NFATC3: variants seen among roughly 807,000 people sequenced by gnomAD.
The protein encoded by NFATC3 is nuclear factor of activated T-cells, cytoplasmic 3.
In NFATC3, 46 loss-of-function variants were observed where a neutral mutation model predicts 98.6. The observed-to-expected ratio is 0.47, with a 90% CI of 0.37 to 0.60. NFATC3 has a LOEUF of 0.60. Ranked by LOEUF, NFATC3 falls within the 20% of genes least tolerant of loss-of-function variation. The pLI is 0.00. For missense variants in NFATC3, 1,256 were observed against 1,295.5 expected, an observed-to-expected ratio of 0.97 and a Z score of 0.47; for synonymous variants, 512 against 472.2, an observed-to-expected ratio of 1.08 and a Z score of -1.09.
chr16:68,185,646 T>G (rs1461055037), intron 8 of NFATC3, among the ~76,000 whole-genome samples: 2 of 151,366 alleles, frequency 1.3e-5, no homozygotes, highest in Non-Finnish European at 2.9e-5. Flanking sequence ...GAGGCCGAGG[T>G]GGGCGGATCA....
At chr16:68,097,108 T>C (rs1260617533) in intron 1 of NFATC3, among the ~76,000 whole-genome samples, 3 of 152,086 alleles carry the variant, frequency 2.0e-5, no homozygotes. Context: ...ATCCATTGAG[T>C]AAGGAAAGGG....
intron 1 of NFATC3, among the ~76,000 whole-genome samples, chr16:68,120,131 A>C (rs1473699609): frequency 6.6e-6 from 1 of 151,338 alleles, no homozygotes; most frequent in Non-Finnish European, 1.5e-5. Flanking sequence ...AAAAAAAAAA[A>C]ATTGCTGGGA....
Position 68,123,079 on chromosome 16 carries a change from T to G in NFATC3, c.1196T>G (p.Phe399Cys), listed in dbSNP as rs1300687800. 6.2e-7 allele frequency: 1 copy of G among 1,607,668 alleles called. No individual in the cohort carries two copies. Among genetic ancestry groups the G allele is most frequent in the South Asian group, 1.1e-5 (1 of 91,066 alleles). The change falls in exon 2 of 10, where the codon TTT becomes TGT. Residue 399 changes from phenylalanine (F) to cysteine (C), a missense_variant. Physicochemically the swap from Phe to Cys is radical, Grantham distance 205 (BLOSUM62 -2). Transcript: ENST00000346183. Reference protein sequence around the residue: ...GDQFLSVPSPFTWSKPKPGHT... With the variant: ...GDQFLSVPSPCTWSKPKPGHT... ...CAGTTTCTTTCAGTTCCTTCACCCT[T>G]TACCTGGAGCAAACCAAAGCCTGGC...
At chr16:68,127,758 G>C (rs1213393737) in intron 3 of NFATC3, among the ~76,000 whole-genome samples, 1 of 151,546 alleles carries the variant, frequency 6.6e-6, no homozygotes, top group Non-Finnish European at 1.5e-5. Context: ...ACATTATTGA[G>C]AGATGAAGTT....
chr16:68,185,603 C>T (rs1002778977), intron 8 of NFATC3, among the ~76,000 whole-genome samples: 2 of 151,948 alleles, frequency 1.3e-5, no homozygotes, highest in Non-Finnish European at 2.9e-5. Context: ...GGGCCGGGCG[C>T]GGTGGCTCAC....
At chr16:68,205,375 G>A (rs1335690507) in intron 9 of NFATC3, among the ~76,000 whole-genome samples, 1 of 151,844 alleles carries the variant, frequency 6.6e-6, no homozygotes, top group Non-Finnish European at 1.5e-5. Context: ...TCAGCCTCCC[G>A]AGTAGCTGGG....
intron 3 of NFATC3, among the ~76,000 whole-genome samples, chr16:68,136,200 A>G (rs1039190820): frequency 1.3e-5 from 2 of 152,194 alleles, no homozygotes; most frequent in Non-Finnish European, 2.9e-5. Context: ...TCGTGCTGCT[A>G]TTAATTGTAA....
At chr16:68,124,945 G>T (rs2036758540) in intron 2 of NFATC3, among the ~76,000 whole-genome samples, 2 of 150,570 alleles carry the variant, frequency 1.3e-5, no homozygotes, top group Non-Finnish European at 2.9e-5. Flanking sequence ...TGGCCAGGCT[G>T]GTCTTGAACT....
chr16:68,101,700 G>A (rs1207472713), intron 1 of NFATC3, among the ~76,000 whole-genome samples: 1 of 151,662 alleles, frequency 6.6e-6, no homozygotes, highest in African/African-American at 2.4e-5. Context: ...ATCCAGGATG[G>A]TCTTGATCCC....
In NFATC3 at chr16:68,126,622, T is replaced by C. The variant is rs1598407363; in HGVS notation, c.1401+12T>C. 3.7e-6 allele frequency: 6 copies of C among 1,613,644 alleles called. No homozygotes were observed. Among genetic ancestry groups the C allele is most frequent in the Non-Finnish European group, 5.1e-6 (6 of 1,179,686 alleles). Reference sequence around the variant, plus strand: ...ATCCTGTTGTGAAGGTATGAGACTTTTGGGGCTTGTTTTGCAGATACCATA... The same window carrying C: ...ATCCTGTTGTGAAGGTATGAGACTTCTGGGGCTTGTTTTGCAGATACCATA... On this transcript the variant is annotated intron_variant, in intron 3 of 9. Coordinates refer to ENST00000346183, the MANE Select transcript of NFATC3 (RefSeq NM_173165.3).
At chr16:68,105,682 G>T (rs907311749) in intron 1 of NFATC3, among the ~76,000 whole-genome samples, 1 of 152,084 alleles carries the variant, frequency 6.6e-6, no homozygotes, top group African/African-American at 2.4e-5. Context: ...GTTAATTCTT[G>T]TCTAAGTGTT....
chr16:68,162,558 G>T (rs2038942718), intron 4 of NFATC3, among the ~76,000 whole-genome samples: 1 of 151,022 alleles, frequency 6.6e-6, no homozygotes, highest in East Asian at 1.9e-4. Context: ...TGCCTACTAA[G>T]CCATGGGCTT....
intron 4 of NFATC3, among the ~76,000 whole-genome samples, chr16:68,160,246 T>G (rs1450951382): frequency 1.3e-5 from 2 of 151,952 alleles, no homozygotes; most frequent in African/African-American, 4.8e-5. Flanking sequence ...GCAGATCACT[T>G]GAGGGTCAGG....
At chr16:68,129,671 C>CTTT (rs568596333) in intron 3 of NFATC3, among the ~76,000 whole-genome samples, 15 of 127,822 alleles carry the variant, frequency 1.2e-4, no homozygotes, top group African/African-American at 2.5e-4. Flanking sequence ...TGCTCCCCGC[C>CTTT]TTTTTTTTTT....
chr16:68,192,363 G>C (rs922089108), intron 9 of NFATC3: 2 of 147,898 alleles, frequency 1.4e-5, no homozygotes, highest in African/African-American at 2.5e-5. Context: ...AGAACTTTGA[G>C]GGTAGATATG....
Position 68,085,630 on chromosome 16 carries a change from C to T in NFATC3, c.-52C>T. 1 of 1,451,386 alleles carries T rather than the reference C, an allele frequency of 6.9e-7. No homozygotes were observed. The highest frequency in any genetic ancestry group is 3.0e-5 in the East Asian group (1 of 33,328). The allele number at this position is 1,451,386 out of a possible 1,614,324, so 89.9% of individuals were successfully genotyped here. A position where few individuals can be genotyped will look rare whatever the true frequency, so the allele number is the denominator to read the frequency against. On this transcript the variant is annotated 5_prime_UTR_variant, in exon 1 of 10. Transcript: ENST00000346183. Reference sequence around the variant, plus strand: ...TTGAGGAGCTGCTGCCGCCGCTTGCCGCTGCCGCCGCCGCCGCCTGAGGAG... The same window carrying T: ...TTGAGGAGCTGCTGCCGCCGCTTGCTGCTGCCGCCGCCGCCGCCTGAGGAG...
chr16:68,092,951 G>T (rs1004703640), intron 1 of NFATC3, among the ~76,000 whole-genome samples: 1 of 152,076 alleles, frequency 6.6e-6, no homozygotes, highest in Non-Finnish European at 1.5e-5. Context: ...CTTCCATTTG[G>T]ATTTGTGTAT....
chr16:68,211,313 G>A (rs901864582), intron 9 of NFATC3, among the ~76,000 whole-genome samples: 2 of 151,626 alleles, frequency 1.3e-5, no homozygotes, highest in Admixed American at 6.6e-5. Flanking sequence ...TCAGCCTCTC[G>A]AGTAGCTGGG....
At chr16:68,188,852 G>C (rs1260709775) in intron 8 of NFATC3, among the ~76,000 whole-genome samples, 1 of 152,124 alleles carries the variant, frequency 6.6e-6, no homozygotes, top group Non-Finnish European at 1.5e-5. Context: ...GGGATTACAG[G>C]TGTGCACCAC....
Sources: gnomAD v4.1 joint callset for allele counts (sites outside exome capture counted in the v4.1 genomes callset) on GRCh38, gnomAD v4.1.1 for gene constraint, MANE v1.5 for transcripts, NCBI Gene and HGNC (gene_info 2026-07-23, HGNC 2026-07-21) for gene names.